The following EPSTI1 variants were observed in gnomAD, a reference collection of about 807,000 sequenced individuals.
EPSTI1 encodes the protein epithelial-stromal interaction protein 1.
A neutral mutation model predicts 49.9 loss-of-function variants in EPSTI1; 66 were observed. That is an observed-to-expected ratio of 1.32 (90% CI 1.08 to 1.62). EPSTI1 has a LOEUF of 1.62. Ranked by LOEUF, EPSTI1 falls within the 40% of genes most tolerant of loss-of-function variation. EPSTI1 has a pLI of 0.00. For missense variants in EPSTI1, 394 were observed against 365.5 expected (o/e 1.08, Z -0.64); for synonymous variants, 137 against 130.7 (o/e 1.05, Z -0.33).
rs2039621635 is a variant in EPSTI1 at position 42,966,602 on chromosome 13, A to G, written c.332-2463T>C. 5.8e-5 allele frequency among the ~76,000 whole-genome samples: 3 copies of G among 51,690 alleles called. 1 individual carries two copies. Among genetic ancestry groups the G allele is most frequent in the Admixed American group, 4.7e-4 (2 of 4,286 alleles). The allele number at this position is 51,690 out of a possible 152,430, so 33.9% of individuals were successfully genotyped here. ...CTCCGCCCGGCAGCTGCCCCGTCTGAGAAGTGAGGAGCCTCTCCGCCCGGC... is the reference window on the plus strand; with the variant it reads ...CTCCGCCCGGCAGCTGCCCCGTCTGGGAAGTGAGGAGCCTCTCCGCCCGGC... On this transcript the variant is annotated intron_variant, in intron 3 of 10. Transcript: ENST00000313624.
chr13:42,948,422 GTTGT>G (rs71298945), intron 6 of EPSTI1, among the ~76,000 whole-genome samples: 1 of 113,946 alleles, frequency 8.8e-6, no homozygotes, highest in African/African-American at 3.7e-5. Context: ...AGAGTGGCTT[GTTGT>G]TTTTTTTTTT....
At chr13:42,983,654 AT>A (rs1299474866) in intron 1 of EPSTI1, among the ~76,000 whole-genome samples, 1 of 151,482 alleles carries the variant, frequency 6.6e-6, no homozygotes, top group Non-Finnish European at 1.5e-5. Flanking sequence ...TGTACATCAT[AT>A]TCAAGATCCA....
At chr13:42,941,683 T>C (rs1405692630) in intron 6 of EPSTI1, among the ~76,000 whole-genome samples, 2 of 150,780 alleles carry the variant, frequency 1.3e-5, no homozygotes, top group Non-Finnish European at 3.0e-5. Flanking sequence ...GCTTAATTTC[T>C]AATTTTACTC....
chr13:42,890,301 T>C (rs9533293), intron 10 of EPSTI1, among the ~76,000 whole-genome samples: 30 of 55,350 alleles, frequency 5.4e-4, no homozygotes, highest in South Asian at 1.7e-3. Flanking sequence ...CTTTTCTTTT[T>C]TTTTTTTTTT....
At chr13:42,949,966 C>A (rs2039046803) in intron 6 of EPSTI1, among the ~76,000 whole-genome samples, 1 of 152,062 alleles carries the variant, frequency 6.6e-6, no homozygotes, top group Non-Finnish European at 1.5e-5. Flanking sequence ...TTAAAAAAGG[C>A]TTATCAACTG....
At chr13:42,990,078 G>A (rs2040166720) in intron 1 of EPSTI1, among the ~76,000 whole-genome samples, 1 of 150,944 alleles carries the variant, frequency 6.6e-6, no homozygotes, top group South Asian at 2.1e-4. Context: ...TAATGGAGAT[G>A]CAACAAAAAT....
At chr13:42,921,115 T>C (rs1346688984) in intron 7 of EPSTI1, among the ~76,000 whole-genome samples, 1 of 151,974 alleles carries the variant, frequency 6.6e-6, no homozygotes, top group East Asian at 1.9e-4. Context: ...AAGTCAGAGA[T>C]AACACAAGAA....
At chr13:42,908,207 T>C (rs1398495615) in intron 8 of EPSTI1, among the ~76,000 whole-genome samples, 1 of 152,234 alleles carries the variant, frequency 6.6e-6, no homozygotes, top group African/African-American at 2.4e-5. Flanking sequence ...TGGGGGAAGC[T>C]GGGCACAGTG....
chr13:42,925,846 C>G (rs1457508601), intron 7 of EPSTI1, among the ~76,000 whole-genome samples: 1 of 152,192 alleles, frequency 6.6e-6, no homozygotes, highest in Non-Finnish European at 1.5e-5. Flanking sequence ...TTAGATGCTT[C>G]TTCCTGATAA....
Position 42,950,668 on chromosome 13 carries a change from A to AATACC in EPSTI1, c.563+3275_563+3279dup, listed in dbSNP as rs61055327. ...ATGGTTGTCCTCTCTACAGAAAAAA[A>AATACC]ATACCATTCCTGGTTTGCTGTATGA... On this transcript the variant is annotated intron_variant, in intron 6 of 10. Transcript: ENST00000313624. Among the ~76,000 whole-genome samples the AATACC allele has an allele frequency of 2.3e-3, 353 of 152,354 alleles. 11 individuals are homozygous for AATACC. The East Asian group carries it at 0.057, about 25-fold the overall frequency.
intron 3 of EPSTI1, 112 bp from the exon 4 acceptor site, chr13:42,964,251 T>A: frequency 1.4e-6 from 1 of 733,716 alleles, no homozygotes; most frequent in Non-Finnish European, 2.1e-6. Flanking sequence ...CTTAACATTC[T>A]CATGCTCTTG....
chr13:42,988,248 C>T lies in EPSTI1; in HGVS notation c.188+3730G>A, dbSNP rs144492788. Among the ~76,000 whole-genome samples the T allele has an allele frequency of 6.8e-3, 1,031 of 152,134 alleles. 12 individuals carry two copies. The highest frequency in any genetic ancestry group is 0.024 in the African/African-American group (979 of 41,500). On this transcript the variant is annotated intron_variant, in intron 1 of 10. Coordinates refer to ENST00000313624, the MANE Select transcript of EPSTI1 (RefSeq NM_033255.5). ...ATAAATAATGTAAAATATTTACAAACAAGCAGAATATTAAAAGGAAGGATA... is the reference window on the plus strand; with the variant it reads ...ATAAATAATGTAAAATATTTACAAATAAGCAGAATATTAAAAGGAAGGATA...
intron 7 of EPSTI1, among the ~76,000 whole-genome samples, chr13:42,923,165 C>T (rs1163301678): frequency 1.3e-5 from 2 of 152,172 alleles, no homozygotes; most frequent in African/African-American, 2.4e-5. Flanking sequence ...TAAGCTAAGA[C>T]ATTTTGATTT....
At chr13:42,949,659 A>G (rs2039037120) in intron 6 of EPSTI1, among the ~76,000 whole-genome samples, 1 of 152,060 alleles carries the variant, frequency 6.6e-6, no homozygotes, top group African/African-American at 2.4e-5. Flanking sequence ...GCTGTTAGAC[A>G]TGAATTTTAA....
intron 5 of EPSTI1, among the ~76,000 whole-genome samples, chr13:42,956,324 A>AT (rs1301745861): frequency 1.3e-5 from 2 of 152,164 alleles, no homozygotes; most frequent in African/African-American, 4.8e-5. Flanking sequence ...AGCTTTCTTC[A>AT]TATTCCCCAA....
intron 3 of EPSTI1, among the ~76,000 whole-genome samples, chr13:42,968,316 T>C (rs1217887264): frequency 2.7e-5 from 4 of 150,852 alleles, no homozygotes; most frequent in Admixed American, 6.6e-5. Flanking sequence ...TTTTTACCTA[T>C]GTTCTTGGTG....
intron 5 of EPSTI1, among the ~76,000 whole-genome samples, chr13:42,954,992 T>C (rs1043570910): frequency 6.6e-6 from 1 of 152,226 alleles, no homozygotes; most frequent in Admixed American, 6.5e-5. Context: ...TTCATTTCCA[T>C]GAAAGTCTTC....
chr13:42,915,622 A>G (rs934810064), intron 8 of EPSTI1, among the ~76,000 whole-genome samples: 10 of 152,228 alleles, frequency 6.6e-5, no homozygotes, highest in African/African-American at 2.4e-4. Flanking sequence ...GAATAGATGG[A>G]TAAGTATCCT....
At chr13:42,938,277 A>G (rs975779275) in intron 6 of EPSTI1, among the ~76,000 whole-genome samples, 2 of 152,134 alleles carry the variant, frequency 1.3e-5, no homozygotes, top group African/African-American at 2.4e-5. Context: ...GATTAGGTGC[A>G]TTGTCAATGA....
Sources: allele counts gnomAD v4.1 joint callset (sites outside exome capture counted in the v4.1 genomes callset), GRCh38; gene constraint gnomAD v4.1.1; transcripts MANE v1.5; gene names NCBI Gene and HGNC (gene_info 2026-07-23, HGNC 2026-07-21).